The following CNTN4 variants were observed in gnomAD, a reference collection of about 807,000 sequenced individuals.
The protein encoded by CNTN4 is contactin-4.
Under a neutral mutation model 122.5 loss-of-function variants are expected in CNTN4, and 77 were observed. The ratio of observed to expected loss-of-function variants is 0.63; its 90% CI spans 0.52 to 0.76. CNTN4 has a LOEUF of 0.76. CNTN4 is among the 30% of genes least tolerant of loss of function. The probability of loss-of-function intolerance (pLI) is 0.00; values close to 1 mark genes in which losing one functional copy is unlikely to be tolerated. For synonymous variants in CNTN4, 512 were observed against 447.0 expected (o/e 1.15, Z -1.83); for missense variants, 1,256 against 1,259.1 (o/e 1.00, Z 0.04).
intron 4 of CNTN4, among the ~76,000 whole-genome samples, chr3:2,622,365 C>T (rs1206958929): frequency 6.6e-6 from 1 of 152,192 alleles, no homozygotes; most frequent in Non-Finnish European, 1.5e-5. Flanking sequence ...CATCTCTGCT[C>T]ACTGCAACTT....
intron 2 of CNTN4, among the ~76,000 whole-genome samples, chr3:2,152,258 C>T (rs2035526119): frequency 6.6e-6 from 1 of 152,158 alleles, no homozygotes; most frequent in Admixed American, 6.5e-5. Flanking sequence ...TCAAGAAAGC[C>T]TCTGTAACTG....
At chr3:2,315,653 A>G (rs1028173349) in intron 2 of CNTN4, among the ~76,000 whole-genome samples, 2 of 152,034 alleles carry the variant, frequency 1.3e-5, no homozygotes. Context: ...ATTTTTAGCC[A>G]ATTCATTTTT....
chr3:2,242,287 G>A (rs533250253), intron 2 of CNTN4, among the ~76,000 whole-genome samples: 2 of 152,110 alleles, frequency 1.3e-5, no homozygotes, highest in East Asian at 3.9e-4. Flanking sequence ...GTCATAGAAT[G>A]TACTATATGC....
Position 3,053,873 on chromosome 3 carries a change from C to T in CNTN4, c.2878C>T (p.Leu960Phe), listed in dbSNP as rs754852308. The change falls in exon 24 of 25, where the codon CTT (leucine) becomes TTT (phenylalanine). Residue 960 changes from leucine (L) to phenylalanine (F), a missense_variant. By Grantham distance (22) the Leu-to-Phe change is conservative. Transcript: ENST00000418658. Reference sequence around the variant, plus strand: ...TGAAACAAATAAAACATCGGTGGAGCTTTCTTTGCCTTTCGATGAAGATTA... The same window carrying T: ...TGAAACAAATAAAACATCGGTGGAGTTTTCTTTGCCTTTCGATGAAGATTA... ...VIETNKTSVELSLPFDEDYII... is the reference protein window; with the variant it reads ...VIETNKTSVEFSLPFDEDYII... 1.9e-6 allele frequency: 3 copies of T among 1,613,982 alleles called. No homozygotes were observed. Among genetic ancestry groups the T allele is most frequent in the South Asian group, 1.1e-5 (1 of 91,082 alleles).
rs1443804273 is a variant in CNTN4 at position 2,175,326 on chromosome 3, A to G, written c.-145+74687A>G. On this transcript the variant is annotated intron_variant, in intron 2 of 24. Transcript: ENST00000418658. Reference sequence around the variant, plus strand: ...ATATCCTAGCTTGTTTTTCCTAAACATGGAAATCACTAATCCTTCATGGCC... The same window carrying G: ...ATATCCTAGCTTGTTTTTCCTAAACGTGGAAATCACTAATCCTTCATGGCC... Among the ~76,000 whole-genome samples, 13 of 152,130 alleles carry G rather than the reference A, an allele frequency of 8.5e-5. No individual in the cohort carries two copies. In the East Asian group the frequency reaches 1.2e-3, roughly 14 times the overall value.
chr3:2,843,651 T>C (rs984994599), intron 7 of CNTN4, among the ~76,000 whole-genome samples: 4 of 152,114 alleles, frequency 2.6e-5, no homozygotes, highest in Admixed American at 2.6e-4. Context: ...ATGTGGCACC[T>C]ACCCCCCATC....
At chr3:2,726,187 A>G (rs574584752) in intron 4 of CNTN4, among the ~76,000 whole-genome samples, 12 of 152,228 alleles carry the variant, frequency 7.9e-5, no homozygotes, top group Admixed American at 3.9e-4. Context: ...TTCCTTCTGT[A>G]AGCAATTCTA....
intron 3 of CNTN4, among the ~76,000 whole-genome samples, chr3:2,430,280 G>T (rs183878389): frequency 2.3e-3 from 345 of 151,978 alleles, no homozygotes; most frequent in Middle Eastern, 0.014. Flanking sequence ...AAATTAGCCG[G>T]GCGTGGTGGC....
intron 2 of CNTN4, among the ~76,000 whole-genome samples, chr3:2,209,136 C>A (rs762028844): frequency 2.0e-5 from 3 of 152,140 alleles, no homozygotes; most frequent in African/African-American, 7.2e-5. Context: ...GTTTTAATAT[C>A]GCCTAGCAGC....
At chr3:2,418,328 C>T (rs2047491772) in intron 3 of CNTN4, among the ~76,000 whole-genome samples, 1 of 144,776 alleles carries the variant, frequency 6.9e-6, no homozygotes, top group Non-Finnish European at 1.6e-5. Context: ...GTTAAAAAAT[C>T]ACCACAGAGG....
intron 15 of CNTN4, among the ~76,000 whole-genome samples, chr3:3,029,244 C>CTTCCCT (rs1698975419): frequency 6.6e-6 from 1 of 152,140 alleles, no homozygotes; most frequent in African/African-American, 2.4e-5. Flanking sequence ...TTGGACATGT[C>CTTCCCT]TGTTTCACAA....
intron 8 of CNTN4, among the ~76,000 whole-genome samples, chr3:2,879,520 C>G (rs886855171): frequency 6.6e-6 from 1 of 152,146 alleles, no homozygotes; most frequent in Non-Finnish European, 1.5e-5. Context: ...TAAAAAGGAA[C>G]AAACTACTGG....
intron 3 of CNTN4, among the ~76,000 whole-genome samples, chr3:2,426,899 G>T (rs1375628953): frequency 6.6e-6 from 1 of 152,152 alleles, no homozygotes; most frequent in Non-Finnish European, 1.5e-5. Flanking sequence ...TAATATTTCT[G>T]TGGGATCATT....
intron 2 of CNTN4, among the ~76,000 whole-genome samples, chr3:2,322,843 C>G (rs779273121): frequency 5.3e-5 from 8 of 152,074 alleles, no homozygotes; most frequent in African/African-American, 1.4e-4. Context: ...ATTCTAAGAT[C>G]TTTAAAATAG....
intron 4 of CNTN4, among the ~76,000 whole-genome samples, chr3:2,721,662 T>C (rs2087863576): frequency 6.6e-6 from 1 of 152,190 alleles, no homozygotes; most frequent in Non-Finnish European, 1.5e-5. Flanking sequence ...GCTACAGGGC[T>C]CTGTCAGTTA....
rs950623912 is a variant in CNTN4, at chr3:2,729,664, C to T, written c.56-6551C>T. Among the ~76,000 whole-genome samples the T allele has an allele frequency of 3.7e-4, 56 of 151,168 alleles. 1 individual carries two copies. Among genetic ancestry groups the T allele is most frequent in the African/African-American group, 1.2e-3 (50 of 41,248 alleles). On this transcript the variant is annotated intron_variant, in intron 4 of 24. Transcript: ENST00000418658. The stretch of plus-strand genomic sequence containing the variant: ...GAGCAGTGGCTCATGCCTGTAATCC[C>T]GGCACTTTGGGATGCGAAGGCAGGC...
At chr3:2,117,413 A>G (rs1455984184) in intron 2 of CNTN4, among the ~76,000 whole-genome samples, 3 of 152,332 alleles carry the variant, frequency 2.0e-5, no homozygotes, top group East Asian at 3.9e-4. Context: ...CTGGAAGTGC[A>G]TCTGAACGCT....
intron 3 of CNTN4, among the ~76,000 whole-genome samples, chr3:2,501,721 T>C (rs35839317): frequency 0.1 from 15,471 of 152,192 alleles, 1,023 homozygotes; most frequent in Middle Eastern, 0.15. Context: ...TAGGATAACA[T>C]CCCATGTTAA....
intron 2 of CNTN4, among the ~76,000 whole-genome samples, chr3:2,131,834 G>T (rs2034463979): frequency 6.6e-6 from 1 of 152,110 alleles, no homozygotes. Context: ...CTAGGTCTTG[G>T]ATCTCAGATC....
Sources: allele counts gnomAD v4.1 joint callset (sites outside exome capture counted in the v4.1 genomes callset), GRCh38; gene constraint gnomAD v4.1.1; transcripts MANE v1.5; gene names NCBI Gene and HGNC (gene_info 2026-07-23, HGNC 2026-07-21).